Variants in KANTR observed in about 807,000 individuals in gnomAD.
The protein encoded by KANTR is KDM5C adjacent transcript.
At chrX:53,096,302 A>T (rs1384309941) in intron 1 of KANTR, among the ~76,000 whole-genome samples, 1 of 112,513 alleles carries the variant, frequency 8.9e-6, no homozygotes, top group Admixed American at 9.5e-5. Flanking sequence ...TACCTAAAAT[A>T]GTGCTTGACA....
chrX:53,120,114 A>G (rs1556815272), intron 2 of KANTR, among the ~76,000 whole-genome samples: 1 of 110,793 alleles, frequency 9.0e-6, no homozygotes. Flanking sequence ...AGTTCACTGC[A>G]GCCTCAACCT....
At chrX:53,096,518 C>T (rs1932845918) in intron 1 of KANTR, among the ~76,000 whole-genome samples, 1 of 112,170 alleles carries the variant, frequency 8.9e-6, no homozygotes, top group African/African-American at 3.2e-5. Flanking sequence ...CAATTATTGT[C>T]ACAGTCAAAA....
chrX:53,143,119 A>T (rs1556818724), downstream of KANTR: 3 of 1,143,334 alleles, frequency 2.6e-6, no homozygotes, highest in East Asian at 9.0e-5. Flanking sequence ...TTCCATGCCC[A>T]AGAAGGAAGG....
intron 2 of KANTR, among the ~76,000 whole-genome samples, chrX:53,133,206 A>G (rs146470420): frequency 0.028 from 3,059 of 109,603 alleles, 46 homozygotes; most frequent in Admixed American, 0.06. Context: ...CATCTCTACA[A>G]GAAATACAAA....
chrX:53,104,079 G>GC (rs1292749957), intron 2 of KANTR, among the ~76,000 whole-genome samples: 1 of 110,224 alleles, frequency 9.1e-6, no homozygotes, highest in Admixed American at 9.9e-5. Flanking sequence ...TTACTGTATT[G>GC]CCCAGGCTGG....
intron 2 of KANTR, among the ~76,000 whole-genome samples, chrX:53,138,500 T>C (rs1336028041): frequency 3.7e-5 from 4 of 108,173 alleles, no homozygotes; most frequent in Non-Finnish European, 7.7e-5. Flanking sequence ...CCATCTCTAC[T>C]AAAAATACAG....
At chrX:53,118,568 C>G (rs1277981756) in intron 2 of KANTR, among the ~76,000 whole-genome samples, 1 of 110,404 alleles carries the variant, frequency 9.1e-6, no homozygotes, top group Non-Finnish European at 1.9e-5. Flanking sequence ...CGAGACCAGA[C>G]TGGGCAACAT....
At chrX:53,114,136 A>G (rs1197830709) in intron 2 of KANTR, among the ~76,000 whole-genome samples, 1 of 111,153 alleles carries the variant, frequency 9.0e-6, no homozygotes, top group African/African-American at 3.3e-5. Context: ...CCTGAGCTCA[A>G]GCAATCCACC....
chrX:53,123,596 G>A (rs1556815798), exon 3 of KANTR: 1 of 111,268 alleles, frequency 9.0e-6, no homozygotes, highest in African/African-American at 3.3e-5. Flanking sequence ...TCTACCTGGA[G>A]CTACACCCTC....
chrX:53,140,097 G>A (rs1221167598), intron 2 of KANTR, among the ~76,000 whole-genome samples: 1 of 112,560 alleles, frequency 8.9e-6, no homozygotes, highest in East Asian at 2.8e-4. Context: ...ATGCCAAGTG[G>A]CGGTGGGGGT....
chrX:53,137,278 T>A (rs1321947754), intron 2 of KANTR, among the ~76,000 whole-genome samples: 2 of 112,183 alleles, frequency 1.8e-5, no homozygotes, highest in East Asian at 5.6e-4. Flanking sequence ...TTGACTACCA[T>A]TTTTACTTCT....
intron 2 of KANTR, among the ~76,000 whole-genome samples, chrX:53,121,160 A>G (rs1452682600): frequency 2.8e-5 from 3 of 106,369 alleles, no homozygotes; most frequent in Non-Finnish European, 5.8e-5. Context: ...CACCATGCCC[A>G]GGTAGTTTTT....
At chrX:53,119,044 C>CTTTT (rs59837494) in intron 2 of KANTR, among the ~76,000 whole-genome samples, 10 of 70,503 alleles carry the variant, frequency 1.4e-4, no homozygotes, top group African/African-American at 2.8e-4. Flanking sequence ...ATTTTTCTTT[C>CTTTT]TTTTTTTTTT....
chrX:53,108,552 G>T (rs1932983808), intron 2 of KANTR, among the ~76,000 whole-genome samples: 1 of 111,801 alleles, frequency 8.9e-6, no homozygotes, highest in South Asian at 3.7e-4. Context: ...AAATACAATA[G>T]ATTTTTGTTT....
chrX:53,146,890 T>C (rs1450811593), downstream of KANTR, among the ~76,000 whole-genome samples: 1 of 111,356 alleles, frequency 9.0e-6, no homozygotes, highest in Non-Finnish European at 1.9e-5. Flanking sequence ...GAAGGAGAAA[T>C]AAAATCCTTT....
chrX:53,140,562 G>C (rs1211081137), intron 2 of KANTR, among the ~76,000 whole-genome samples: 7 of 108,927 alleles, frequency 6.4e-5, no homozygotes, highest in African/African-American at 2.3e-4. Flanking sequence ...TCTGTTCCTG[G>C]GTACAATAAA....
intron 2 of KANTR, among the ~76,000 whole-genome samples, chrX:53,108,754 G>A (rs997324132): frequency 1.8e-5 from 2 of 109,151 alleles, no homozygotes; most frequent in African/African-American, 3.3e-5. Context: ...AGGCTGCAGC[G>A]CAGCGGTGTG....
In KANTR at chrX:53,096,545, G is replaced by C. The variant is rs377374961; in HGVS notation, c.-942+2261G>C. Among the ~76,000 whole-genome samples, 7 of 112,578 alleles carry C rather than the reference G, an allele frequency of 6.2e-5. No individual in the cohort carries two copies. The East Asian group carries it at 1.4e-3, about 22-fold the overall frequency. ...CAGTCAAAAATGCCCCCCAAACAGG[G>C]CCGGGTGTGATGGCTCACGCCTGTA... On this transcript the variant is annotated intron_variant, in intron 1 of 2. Transcript: ENST00000604062.
intron 1 of KANTR, among the ~76,000 whole-genome samples, chrX:53,096,221 C>G (rs1273166127): frequency 8.9e-6 from 1 of 111,833 alleles, no homozygotes; most frequent in African/African-American, 3.3e-5. Flanking sequence ...TATTGTCTGA[C>G]TCTCCCACTC....
Sources: allele counts gnomAD v4.1 joint callset (sites outside exome capture counted in the v4.1 genomes callset), GRCh38; gene constraint gnomAD v4.1.1; transcripts MANE v1.5; gene names NCBI Gene and HGNC (gene_info 2026-07-23, HGNC 2026-07-21).